Variants in KLHL13 observed in about 807,000 individuals in gnomAD.
KLHL13 encodes kelch-like protein 13.
A neutral mutation model predicts 37.1 loss-of-function variants in KLHL13; 10 were observed. That is an observed-to-expected ratio of 0.27 (90% CI 0.17 to 0.46). The LOEUF is 0.46. Ranked by LOEUF, KLHL13 falls within the 20% of genes least tolerant of loss-of-function variation. The pLI, the probability that KLHL13 is intolerant of heterozygous loss-of-function variation, is 1.00. For synonymous variants in KLHL13, 163 were observed against 181.2 expected, an observed-to-expected ratio of 0.90 and a Z score of 0.81; for missense variants, 360 against 509.3, an observed-to-expected ratio of 0.71 and a Z score of 2.82.
chrX:118,044,824 T>C (rs1335887767), intron 1 of KLHL13, among the ~76,000 whole-genome samples: 1 of 112,134 alleles, frequency 8.9e-6, no homozygotes, highest in African/African-American at 3.2e-5. Context: ...AATATTGGTC[T>C]AGGCAAAGAT....
chrX:118,052,431 G>T (rs1440354514), intron 1 of KLHL13, among the ~76,000 whole-genome samples: 1 of 106,496 alleles, frequency 9.4e-6, no homozygotes, highest in Non-Finnish European at 1.9e-5. Context: ...GCTGAGGCAG[G>T]AGAATGGCAT....
Position 118,075,653 on chromosome X carries a change from C to T in KLHL13, c.-56+40855G>A, listed in dbSNP as rs1419500346. Among the ~76,000 whole-genome samples the T allele has an allele frequency of 3.6e-5, 4 of 110,920 alleles. No homozygotes were observed. The East Asian group carries it at 1.1e-3, about 32-fold the overall frequency. On this transcript the variant is annotated intron_variant, in intron 1 of 6. Coordinates refer to the KLHL13 transcript ENST00000371882. Reference sequence around the variant, plus strand: ...GTGCAAGACCTGCCATTCCCAGTGACATGGAATAAAAGAGGAAGGGGGAGA... The same window carrying T: ...GTGCAAGACCTGCCATTCCCAGTGATATGGAATAAAAGAGGAAGGGGGAGA...
intron 1 of KLHL13, among the ~76,000 whole-genome samples, chrX:118,045,600 T>G (rs1157102517): frequency 1.8e-5 from 2 of 109,869 alleles, no homozygotes; most frequent in African/African-American, 6.6e-5. Flanking sequence ...GGTGAGGAGT[T>G]TGAGGCCAGC....
intron 2 of KLHL13, among the ~76,000 whole-genome samples, chrX:117,930,793 C>A (rs1932411899): frequency 8.9e-6 from 1 of 111,816 alleles, no homozygotes; most frequent in South Asian, 3.7e-4. Flanking sequence ...TCCCTATATT[C>A]TAGCTGCCAT....
chrX:118,000,751 T>C (rs749818662), intron 1 of KLHL13, among the ~76,000 whole-genome samples: 1 of 111,865 alleles, frequency 8.9e-6, no homozygotes, highest in Non-Finnish European at 1.9e-5. Flanking sequence ...TGAACTGACA[T>C]GAGGCTATTC....
chrX:117,906,044 C>T (rs1287254248), intron 5 of KLHL13, among the ~76,000 whole-genome samples: 1 of 111,448 alleles, frequency 9.0e-6, no homozygotes, highest in Non-Finnish European at 1.9e-5. Context: ...CATCAATCCC[C>T]TCTTCCTGCC....
rs10596292 is a variant in KLHL13, at chrX:117,926,885, C to CTTTTTTTTTTTTTTTTTTTTTTTTT, written c.241-6540_241-6516dup. On this transcript the variant is annotated intron_variant, in intron 2 of 6. Coordinates refer to ENST00000262820, the Ensembl canonical transcript of KLHL13. Reference sequence around the variant, plus strand: ...AAGCTCCAGGAGAAGCCCCCTACTTCTTTTTTTTTTTTTTTTTTTTTTTTT... The same window carrying CTTTTTTTTTTTTTTTTTTTTTTTTT: ...AAGCTCCAGGAGAAGCCCCCTACTTCTTTTTTTTTTTTTTTTTTTTTTTTTTTTTTTTTTTTTTTTTTTTTTTTTT... 7.6e-5 allele frequency among the ~76,000 whole-genome samples: 2 copies of CTTTTTTTTTTTTTTTTTTTTTTTTT among 26,155 alleles called. 1 individual carries two copies. Among genetic ancestry groups the CTTTTTTTTTTTTTTTTTTTTTTTTT allele is most frequent in the African/African-American group, 2.2e-4 (2 of 9,071 alleles). The allele number at this position is 26,155 out of a possible 115,157, so 22.7% of individuals were successfully genotyped here. A position where few individuals can be genotyped will look rare whatever the true frequency, so the allele number is the denominator to read the frequency against.
At chrX:118,111,568 G>A (rs967615347) in intron 1 of KLHL13, among the ~76,000 whole-genome samples, 4 of 112,332 alleles carry the variant, frequency 3.6e-5, no homozygotes, top group Admixed American at 9.4e-5. Flanking sequence ...AACCAGCCTC[G>A]CCAACATGGT....
intron 4 of KLHL13, among the ~76,000 whole-genome samples, chrX:117,914,934 T>C (rs1175445930): frequency 9.0e-6 from 1 of 111,515 alleles, no homozygotes; most frequent in African/African-American, 3.3e-5. Context: ...GAGGGATATT[T>C]AGAATATTTA....
At chrX:118,092,311 G>A (rs370623715) in intron 1 of KLHL13, among the ~76,000 whole-genome samples, 3 of 111,686 alleles carry the variant, frequency 2.7e-5, no homozygotes, top group African/African-American at 9.7e-5. Flanking sequence ...AGCAGTGAAA[G>A]AAACACCTTA....
At chrX:118,065,057 G>A (rs1453496182) in intron 1 of KLHL13, among the ~76,000 whole-genome samples, 2 of 111,055 alleles carry the variant, frequency 1.8e-5, no homozygotes, top group Admixed American at 9.6e-5. Context: ...CTGCTGGATC[G>A]ACAAGACGTT....
chrX:117,977,427 A>G (rs772825651), upstream of KLHL13, among the ~76,000 whole-genome samples: 1 of 111,673 alleles, frequency 9.0e-6, no homozygotes, highest in Non-Finnish European at 1.9e-5. Flanking sequence ...CTAACTGACT[A>G]GTATAGTTTG....
At chrX:117,982,704 T>A (rs2053676099) in intron 1 of KLHL13, among the ~76,000 whole-genome samples, 1 of 112,387 alleles carries the variant, frequency 8.9e-6, no homozygotes, top group Admixed American at 9.4e-5. Context: ...TCTCAACAAG[T>A]ACTACAGCTG....
chrX:118,063,766 T>C (rs764630002), intron 1 of KLHL13, among the ~76,000 whole-genome samples: 24 of 111,542 alleles, frequency 2.2e-4, no homozygotes, highest in Admixed American at 2.0e-3. Context: ...AAAAAGGTCA[T>C]TGTGAATTCT....
chrX:118,081,688 T>C (rs891474530), intron 1 of KLHL13, among the ~76,000 whole-genome samples: 8 of 111,397 alleles, frequency 7.2e-5, no homozygotes, highest in Admixed American at 1.9e-4. Context: ...CTAGAACTTA[T>C]TCCTCCTATT....
chrX:117,941,288 C>T (rs1238846833), intron 2 of KLHL13, among the ~76,000 whole-genome samples: 1 of 111,436 alleles, frequency 9.0e-6, no homozygotes, highest in South Asian at 3.8e-4. Flanking sequence ...GCGATATTGG[C>T]CTGAAATTTT....
intron 1 of KLHL13, among the ~76,000 whole-genome samples, chrX:118,075,093 C>A (rs1196480987): frequency 9.0e-6 from 1 of 111,326 alleles, no homozygotes; most frequent in Non-Finnish European, 1.9e-5. Context: ...TGAGAGGTGA[C>A]AAAGGTTGAT....
chrX:117,919,354 T>C (rs1931565669), intron 4 of KLHL13, among the ~76,000 whole-genome samples, 167 bp downstream of exon 5: 1 of 112,264 alleles, frequency 8.9e-6, no homozygotes, highest in African/African-American at 3.2e-5. Flanking sequence ...ATGATTCTAT[T>C]TCATAAAAAT....
At chrX:118,076,197 T>C (rs763498958) in intron 1 of KLHL13, among the ~76,000 whole-genome samples, 1 of 111,659 alleles carries the variant, frequency 9.0e-6, no homozygotes, top group Non-Finnish European at 1.9e-5. Context: ...GTACCTTATT[T>C]AGAAAGAGGA....
Sources: gnomAD v4.1 joint callset for allele counts (sites outside exome capture counted in the v4.1 genomes callset) on GRCh38, gnomAD v4.1.1 for gene constraint, MANE v1.5 for transcripts, NCBI Gene and HGNC (gene_info 2026-07-23, HGNC 2026-07-21) for gene names.